ATN1: variants seen among roughly 807,000 people sequenced by gnomAD.
ATN1 encodes atrophin-1.
Under a neutral mutation model 85.8 loss-of-function variants are expected in ATN1, and 19 were observed. The observed-to-expected ratio is 0.22, with a 90% CI of 0.15 to 0.32. ATN1 has a LOEUF of 0.32. Ranked by LOEUF, ATN1 falls within the 10% of genes least tolerant of loss-of-function variation. The probability of loss-of-function intolerance (pLI) is 1.00; values close to 1 mark genes in which losing one functional copy is unlikely to be tolerated. For missense variants in ATN1, 1,453 were observed against 1,564.5 expected (o/e 0.93, Z 1.20); for synonymous variants, 674 against 657.0 (o/e 1.03, Z -0.39).
At position 6,937,298 on chromosome 12, in the gene ATN1, G is replaced by C. The variant is rs782394189; in HGVS notation, c.2031G>C (p.Ser677=). ...CCCCACCGGGCTATCGAGGAACCTC[G>C]CCACCTGCAGGCCCAGGGACCTTCA... The part of the protein sequence containing the change: ...TGTPPGYRGT[S]PPAGPGTFKP... The change falls in exon 5 of 10, where the codon TCG becomes TCC. Residue 677 remains serine, a synonymous_variant. Transcript: ENST00000396684. The surrounding 1 kb of genome is among the most constrained non-coding windows in gnomAD (Gnocchi z 6.0). 7.5e-6 allele frequency: 12 copies of C among 1,593,130 alleles called. No homozygotes were observed. The highest frequency in any genetic ancestry group is 1.8e-5 in the Admixed American group (1 of 56,980).
chr12:6,938,727 G>A lies in ATN1; in HGVS notation c.2764G>A (p.Ala922Thr), dbSNP rs1419771250. The A allele has an allele frequency of 1.9e-6, 3 of 1,613,970 alleles. No individual in the cohort carries two copies. Among genetic ancestry groups the A allele is most frequent in the East Asian group, 2.2e-5 (1 of 44,880 alleles). ...DPGLLGYNVP[A>T]LYSSDPAARE... The stretch of plus-strand genomic sequence containing the variant: ...GGGGCTCCTGGGTTACAATGTCCCG[G>A]CCCTGTACAGCAGTGATCCAGCTGC... The change falls in exon 7 of 10, where the codon GCC becomes ACC. Residue 922 changes from alanine to threonine, a missense_variant. Physicochemically the swap from Ala to Thr is moderately conservative, Grantham distance 58. Transcript: ENST00000396684.
At chr12:6,938,090 C>T in intron 6 of ATN1, 23 bp downstream of exon 6, 3 of 1,530,146 alleles carry the variant, frequency 2.0e-6, no homozygotes, top group South Asian at 1.2e-5. Context: ...CTGCCTGCGC[C>T]ACCGCCTTCT....
Position 6,941,235 on chromosome 12 carries a change from C to A in ATN1, c.3359-139C>A. On this transcript the variant is annotated intron_variant, in intron 8 of 9. Coordinates refer to ENST00000396684, the MANE Select transcript of ATN1 (RefSeq NM_001940.4). This position sits in a 1 kb window ranked among gnomAD's most constrained non-coding sequence, Gnocchi z 5.9. ...TTCGAATCCCAATTCCACCCTACCA[C>A]TGGCAACTTACAGAACTGGGTGTGT... 1 of 1,241,532 alleles carries A rather than the reference C, an allele frequency of 8.1e-7. No homozygotes were observed. Among genetic ancestry groups the A allele is most frequent in the Non-Finnish European group, 1.1e-6 (1 of 899,610 alleles). The allele number at this position is 1,241,532 out of a possible 1,614,324, so 76.9% of individuals were successfully genotyped here.
chr12:6,938,679 G>T lies in ATN1; in HGVS notation c.2716G>T (p.Val906Leu). 6.2e-7 allele frequency: 1 copy of T among 1,614,130 alleles called. No individual in the cohort carries two copies. Among genetic ancestry groups the T allele is most frequent in the Non-Finnish European group, 8.5e-7 (1 of 1,180,034 alleles). The change falls in exon 7 of 10, where the codon GTG becomes TTG. Residue 906 changes from valine (V) to leucine (L), a missense_variant. By Grantham distance (32) the Val-to-Leu change is conservative. Around this residue, in one of 6 missense-constraint regions of ATN1, gnomAD observed 208 missense variants for 263.4 expected, o/e 0.79. Coordinates refer to ENST00000396684, the MANE Select transcript of ATN1 (RefSeq NM_001940.4). ...TGGCAATCGCAACCATCCATTCTAC[G>T]TGCCCCTGGGGGCAGTGGACCCGGG... ...SPGNRNHPFY[V>L]PLGAVDPGLL...
chr12:6,927,478 A>C (rs1591657255), upstream of ATN1, among the ~76,000 whole-genome samples: 2 of 134,290 alleles, frequency 1.5e-5, no homozygotes, highest in African/African-American at 2.8e-5. Flanking sequence ...GCTCGCCCCC[A>C]AACTTCAGCC....
chr12:6,927,711 CCT>C (rs1202310858), upstream of ATN1, among the ~76,000 whole-genome samples: 1 of 151,810 alleles, frequency 6.6e-6, no homozygotes, highest in East Asian at 1.9e-4. Context: ...CCTCCTGGCC[CCT>C]CTCTCCTCCG....
Position 6,941,044 on chromosome 12 carries a change from A to G in ATN1, c.3358+21A>G. 1.2e-6 allele frequency: 2 copies of G among 1,613,346 alleles called. No homozygotes were observed. The highest frequency in any genetic ancestry group is 1.7e-6 in the Non-Finnish European group (2 of 1,179,538). ...CTTTGGTAAGGATGGAAGTTGGGGT[A>G]GGCAGCTCCAATGAGAAAAGGGCAG... On this transcript the variant is annotated intron_variant, in intron 8 of 9. Transcript: ENST00000396684. This position sits in a 1 kb window ranked among gnomAD's most constrained non-coding sequence, Gnocchi z 5.9.
chr12:6,937,758 C>T lies in ATN1; in HGVS notation c.2295-87C>T. On this transcript the variant is annotated intron_variant, in intron 5 of 9. Coordinates refer to ENST00000396684, the MANE Select transcript of ATN1 (RefSeq NM_001940.4). This position sits in a 1 kb window ranked among gnomAD's most constrained non-coding sequence, Gnocchi z 6.0. Reference sequence around the variant, plus strand: ...TGCAGGGGTGGTTTTGAGGCGGGGGCTACAAGCACTCGCCGGGGCCGCGGC... The same window carrying T: ...TGCAGGGGTGGTTTTGAGGCGGGGGTTACAAGCACTCGCCGGGGCCGCGGC... 1 of 1,464,360 alleles carries T rather than the reference C, an allele frequency of 6.8e-7. No homozygotes were observed. The highest frequency in any genetic ancestry group is 9.0e-7 in the Non-Finnish European group (1 of 1,110,410). The allele number at this position is 1,464,360 out of a possible 1,614,324, so 90.7% of individuals were successfully genotyped here.
rs1374129449 is a variant in ATN1 at position 6,938,378 on chromosome 12, G to A, written c.2518-103G>A. 2.1e-6 allele frequency: 3 copies of A among 1,433,784 alleles called. No homozygotes were observed. In the East Asian group the frequency reaches 7.5e-5, roughly 36 times the overall value. The allele number at this position is 1,433,784 out of a possible 1,614,324, so 88.8% of individuals were successfully genotyped here. A position where few individuals can be genotyped will look rare whatever the true frequency, so the allele number is the denominator to read the frequency against. On this transcript the variant is annotated intron_variant, in intron 6 of 9. Transcript: ENST00000396684. ...CAGGTGGGCAGAGTTTCAATGAGTT[G>A]AGGCATTTTGGCATTCGGCTGTCGA...
intron 6 of ATN1, 55 bp downstream of exon 6, chr12:6,938,122 T>C (rs2138218008): frequency 6.7e-7 from 1 of 1,496,360 alleles, no homozygotes; most frequent in Non-Finnish European, 8.9e-7. Flanking sequence ...CTTCCTTCCC[T>C]CTGCGCTGCG....
rs781851188 is a variant in ATN1, at chr12:6,941,526, C to T, written c.3511C>T (p.Pro1171Ser). The change falls in exon 9 of 10, where the codon CCG becomes TCG. Residue 1171 changes from proline (P) to serine (S), a missense_variant. This residue lies in a region of ATN1 where 118 missense variants were observed against 163.7 expected (regional missense o/e 0.72). Transcript: ENST00000396684. The surrounding 1 kb of genome is among the most constrained non-coding windows in gnomAD (Gnocchi z 5.9). ...LHAHHPLHSV[P>S]LPAQEDYYSH... ...TGCCCATCACCCGCTGCACAGTGTG[C>T]CGCTGCCTGCCCAGGAGGACTACTA... 6.2e-7 allele frequency: 1 copy of T among 1,612,612 alleles called. No homozygotes were observed.
rs1232405568 is a variant in ATN1, at chr12:6,937,293, A to G, written c.2026A>G (p.Thr676Ala). The G allele has an allele frequency of 6.3e-7, 1 of 1,595,232 alleles. No individual in the cohort carries two copies. The highest frequency in any genetic ancestry group is 8.5e-7 in the Non-Finnish European group (1 of 1,172,356). The change falls in exon 5 of 10, where the codon ACC becomes GCC. Residue 676 changes from threonine (T) to alanine (A), a missense_variant. By Grantham distance (58) the Thr-to-Ala change is moderately conservative (BLOSUM62 0). Coordinates refer to ENST00000396684, the MANE Select transcript of ATN1 (RefSeq NM_001940.4). The surrounding 1 kb of genome is among the most constrained non-coding windows in gnomAD (Gnocchi z 6.0). ...RTGTPPGYRG[T>A]SPPAGPGTFK... ...GGGGACCCCACCGGGCTATCGAGGA[A>G]CCTCGCCACCTGCAGGCCCAGGGAC... is the stretch of plus-strand genomic sequence containing the variant.
chr12:6,941,655 CCCT>C lies in ATN1; in HGVS notation c.3540-87_3540-85del. 6.3e-7 allele frequency: 1 copy of C among 1,584,928 alleles called. No individual in the cohort carries two copies. The highest frequency in any genetic ancestry group is 8.7e-7 in the Non-Finnish European group (1 of 1,154,316). On this transcript the variant is annotated intron_variant, in intron 9 of 9. Coordinates refer to ENST00000396684, the MANE Select transcript of ATN1 (RefSeq NM_001940.4). This position sits in a 1 kb window ranked among gnomAD's most constrained non-coding sequence, Gnocchi z 5.9. The stretch of plus-strand genomic sequence containing the variant: ...GCACCGTGCTCCTGGGGGAGGGAAC[CCCT>C]CCTCTCCCAACCCCTTCGGTAAGAG...
In ATN1 at chr12:6,938,074, G is replaced by A; in HGVS notation, c.2517+7G>A. 1 of 1,539,900 alleles carries A rather than the reference G, an allele frequency of 6.5e-7. No individual in the cohort carries two copies. Among genetic ancestry groups the A allele is most frequent in the Non-Finnish European group, 8.7e-7 (1 of 1,144,042 alleles). ...CGAGCTTGAACGCAGCGTGGTGAGT[G>A]CGTCACTGCCTGCGCCACCGCCTTC... is the stretch of plus-strand genomic sequence containing the variant. On this transcript the variant is annotated splice_region_variant and intron_variant, in intron 6 of 9. Transcript: ENST00000396684.
intron 7 of ATN1, 61 bp downstream of exon 7, chr12:6,939,238 G>A (rs1945600848): frequency 2.6e-6 from 4 of 1,510,396 alleles, no homozygotes; most frequent in Non-Finnish European, 3.5e-6. Flanking sequence ...TCATGACTGG[G>A]CTCTTTCATT....
At chr12:6,927,917 G>C (rs782152318), upstream of ATN1, among the ~76,000 whole-genome samples, 61 of 151,178 alleles carry the variant, frequency 4.0e-4, no homozygotes, top group African/African-American at 1.2e-3. Context: ...GGGCTAGGAG[G>C]GGGGAGAGGG....
At chr12:6,927,881 T>C (rs2138198788), upstream of ATN1, among the ~76,000 whole-genome samples, 1 of 150,856 alleles carries the variant, frequency 6.6e-6, no homozygotes, top group Non-Finnish European at 1.5e-5. Flanking sequence ...GCCGGGCCAT[T>C]TCGGAGGGAC....
rs1327213062 is a variant in ATN1, at chr12:6,937,101, G to C, written c.1834G>C (p.Ala612Pro). Residue 612 changes from alanine (A) to proline (P), a missense_variant, in exon 5 of 10, where the codon GCT (alanine) becomes CCT (proline). Transcript: ENST00000396684. This position sits in a 1 kb window ranked among gnomAD's most constrained non-coding sequence, Gnocchi z 6.0. Reference sequence around the variant, plus strand: ...GGTGCCTACGGTCACCACCTCTTCGGCTACCCTTTCCACGGTCATTGCCAC... The same window carrying C: ...GGTGCCTACGGTCACCACCTCTTCGCCTACCCTTTCCACGGTCATTGCCAC... ...PPVPTVTTSSATLSTVIATVA... is the reference protein window; with the variant it reads ...PPVPTVTTSSPTLSTVIATVA... 2 of 1,612,080 alleles carry C rather than the reference G, an allele frequency of 1.2e-6. No individual in the cohort carries two copies. Among genetic ancestry groups the C allele is most frequent in the Non-Finnish European group, 8.5e-7 (1 of 1,180,002 alleles).
upstream of ATN1, among the ~76,000 whole-genome samples, chr12:6,925,603 A>G (rs782254786): frequency 2.0e-5 from 3 of 152,156 alleles, no homozygotes; most frequent in South Asian, 6.2e-4. Flanking sequence ...GTGCCAACCA[A>G]TTCAAGGGAC....
Sources: gnomAD v4.1 joint callset for allele counts (sites outside exome capture counted in the v4.1 genomes callset) on GRCh38, gnomAD v4.1.1 for gene constraint, gnomAD v4.1.1 regional missense constraint, Gnocchi (gnomAD v3.1) non-coding constraint, MANE v1.5 for transcripts, NCBI Gene and HGNC (gene_info 2026-07-23, HGNC 2026-07-21) for gene names.